Variants in CYSLTR1 observed in about 807,000 individuals in gnomAD.
CYSLTR1 encodes the protein G-protein coupled receptor HG55.
A neutral mutation model predicts 2.1 loss-of-function variants in CYSLTR1; 1 was observed. That is an observed-to-expected ratio of 0.48 (90% CI 0.17 to 2.28). The LOEUF (loss-of-function observed/expected upper bound fraction) is 2.28. Among genes scored for constraint, CYSLTR1 ranks in the 30% most tolerant of loss-of-function variants. CYSLTR1 has a pLI of 0.26. For synonymous variants in CYSLTR1, 110 were observed against 89.6 expected, an observed-to-expected ratio of 1.23 and a Z score of -1.28; for missense variants, 299 against 250.1, an observed-to-expected ratio of 1.20 and a Z score of -1.32.
rs1225520397 is a variant in CYSLTR1 at position 78,272,543 on chromosome X, G to A, written c.*190C>T. The A allele has an allele frequency of 1.4e-5, 5 of 351,858 alleles. No individual in the cohort carries two copies. Among genetic ancestry groups the A allele is most frequent in the African/African-American group, 5.4e-5 (2 of 37,215 alleles). The allele number at this position is 351,858 out of a possible 1,213,427, so 29.0% of individuals were successfully genotyped here. On this transcript the variant is annotated 3_prime_UTR_variant, in exon 3 of 3. Transcript: ENST00000373304. ...ATAATTCAGTTCATAGTTGTGGACCGAATTTTTAGCACTTAAAATATCTAT... is the reference window on the plus strand; with the variant it reads ...ATAATTCAGTTCATAGTTGTGGACCAAATTTTTAGCACTTAAAATATCTAT...
At position 78,273,386 on chromosome X, in the gene CYSLTR1, G is replaced by A. The variant is rs773734601; in HGVS notation, c.361C>T (p.Arg121Trp). The change falls in exon 3 of 3, where the codon CGG becomes TGG. Residue 121 changes from arginine (R) to tryptophan (W), a missense_variant. Transcript: ENST00000373304. Reference protein sequence around the residue: ...IFFMTAMSFFRCIAIVFPVQN... With the variant: ...IFFMTAMSFFWCIAIVFPVQN... ...ACTGGAAAAACAATTGCAATGCACC[G>A]GAAAAAGCTCATGGCTGTCATAAAG... is the stretch of plus-strand genomic sequence containing the variant. 30 of 1,209,248 alleles carry A rather than the reference G, an allele frequency of 2.5e-5. No individual in the cohort carries two copies. The highest frequency in any genetic ancestry group is 5.3e-5 in the South Asian group (3 of 56,789).
At chrX:78,304,221 G>A (rs1244031954) in intron 1 of CYSLTR1, among the ~76,000 whole-genome samples, 1 of 112,065 alleles carries the variant, frequency 8.9e-6, no homozygotes, top group Non-Finnish European at 1.9e-5. Context: ...AAAGCCCACA[G>A]GTCTTTCTTC....
Position 78,273,581 on chromosome X carries a change from A to G in CYSLTR1, c.166T>C (p.Ser56Pro), listed in dbSNP as rs1219866476. 8.3e-7 allele frequency: 1 copy of G among 1,211,600 alleles called. No individual in the cohort carries two copies. The highest frequency in any genetic ancestry group is 1.1e-6 in the Non-Finnish European group (1 of 895,474). Reference sequence around the variant, plus strand: ...TTAATCATGTATACTTGGAAGGCTGACTTCTTGTGATAGGTTTTTATGAGG... The same window carrying G: ...TTAATCATGTATACTTGGAAGGCTGGCTTCTTGTGATAGGTTTTTATGAGG... ...YVLIKTYHKK[S>P]AFQVYMINLA... Residue 56 changes from serine (S) to proline (P), a missense_variant, in exon 3 of 3, where the codon TCA (serine) becomes CCA (proline). Ser to Pro is a moderately conservative substitution (Grantham distance 74). Transcript: ENST00000373304.
intron 1 of CYSLTR1, among the ~76,000 whole-genome samples, chrX:78,325,346 T>A (rs770003482): frequency 7.3e-4 from 82 of 111,888 alleles, no homozygotes; most frequent in Non-Finnish European, 1.2e-3. Context: ...TGTCTCCCCA[T>A]GCAGTCAGTT....
chrX:78,297,261 T>A (rs1007347478), intron 1 of CYSLTR1, among the ~76,000 whole-genome samples: 1 of 112,107 alleles, frequency 8.9e-6, no homozygotes, highest in Non-Finnish European at 1.9e-5. Flanking sequence ...ATGAATGATC[T>A]TTGTAATGTA....
At chrX:78,286,196 G>T (rs1240457189) in intron 1 of CYSLTR1, among the ~76,000 whole-genome samples, 2 of 111,279 alleles carry the variant, frequency 1.8e-5, no homozygotes, top group Non-Finnish European at 3.8e-5. Flanking sequence ...TGTAATCCCA[G>T]TGCTTCGGGA....
intron 1 of CYSLTR1, among the ~76,000 whole-genome samples, chrX:78,293,672 C>T (rs943267181): frequency 9.9e-5 from 11 of 111,575 alleles, no homozygotes; most frequent in African/African-American, 2.9e-4. Context: ...AGGCTTTATT[C>T]ATTTCTTTTT....
intron 1 of CYSLTR1, among the ~76,000 whole-genome samples, chrX:78,301,806 ATGC>A (rs1922831246): frequency 1.8e-5 from 2 of 111,714 alleles, no homozygotes; most frequent in Admixed American, 1.9e-4. Context: ...GTCTGTTTTC[ATGC>A]TGCTGATAAA....
intron 1 of CYSLTR1, chrX:78,320,637 A>G (rs1471034560): frequency 9.0e-6 from 1 of 111,659 alleles, no homozygotes; most frequent in Non-Finnish European, 1.9e-5. Context: ...GTTGTTTCCA[A>G]TTCTGTGAAG....
chrX:78,280,455 T>G (rs1352683880), intron 2 of CYSLTR1, among the ~76,000 whole-genome samples: 1 of 108,969 alleles, frequency 9.2e-6, no homozygotes, highest in Non-Finnish European at 1.9e-5. Flanking sequence ...GTATACACTG[T>G]GAAATCATTT....
At chrX:78,282,040 G>C (rs1296271495) in intron 2 of CYSLTR1, among the ~76,000 whole-genome samples, 1 of 111,917 alleles carries the variant, frequency 8.9e-6, no homozygotes, top group African/African-American at 3.2e-5. Flanking sequence ...TGTATAGTTA[G>C]AAGAAACAAC....
intron 2 of CYSLTR1, among the ~76,000 whole-genome samples, chrX:78,280,367 C>T (rs1921786463): frequency 9.0e-6 from 1 of 110,770 alleles, no homozygotes; most frequent in Non-Finnish European, 1.9e-5. Context: ...GGTAATAGCC[C>T]TTTTCGGCTT....
chrX:78,281,394 G>A (rs897195844), intron 2 of CYSLTR1, among the ~76,000 whole-genome samples: 1 of 110,146 alleles, frequency 9.1e-6, no homozygotes, highest in Non-Finnish European at 1.9e-5. Context: ...AGCCTCCCGA[G>A]TAACGGATTA....
chrX:78,291,351 T>C (rs764144126), intron 1 of CYSLTR1, among the ~76,000 whole-genome samples: 7 of 111,975 alleles, frequency 6.3e-5, no homozygotes, highest in Non-Finnish European at 1.1e-4. Context: ...CTGCTGGATT[T>C]AGTTTGCCAG....
chrX:78,317,868 C>T (rs147862457), intron 1 of CYSLTR1, among the ~76,000 whole-genome samples: 2 of 111,692 alleles, frequency 1.8e-5, no homozygotes, highest in African/African-American at 3.3e-5. Flanking sequence ...CTACACATTG[C>T]GTACAGTGTA....
intron 2 of CYSLTR1, among the ~76,000 whole-genome samples, chrX:78,281,970 C>T (rs1338166837): frequency 1.8e-5 from 2 of 112,268 alleles, no homozygotes; most frequent in Non-Finnish European, 3.8e-5. Flanking sequence ...TTAAGGCTCT[C>T]TACAGTCTGG....
chrX:78,302,901 C>A lies in CYSLTR1; in HGVS notation c.-114-19361G>T, dbSNP rs191348070. On this transcript the variant is annotated intron_variant, in intron 1 of 2. Coordinates refer to ENST00000373304, the MANE Select transcript of CYSLTR1 (RefSeq NM_006639.4). The stretch of plus-strand genomic sequence containing the variant: ...GGGGTTAGGGGAGGAATGATGCCAG[C>A]ATTCTCTTAGCCACCCCAGCTGTTG... Among the ~76,000 whole-genome samples, 194 of 111,302 alleles carry A rather than the reference C, an allele frequency of 1.7e-3. 1 individual carries two copies. Among genetic ancestry groups the A allele is most frequent in the African/African-American group, 5.5e-3 (170 of 30,654 alleles).
intron 1 of CYSLTR1, among the ~76,000 whole-genome samples, chrX:78,298,690 C>A (rs1279595823): frequency 1.8e-5 from 2 of 111,345 alleles, no homozygotes; most frequent in African/African-American, 6.5e-5. Flanking sequence ...AGTATAGTGA[C>A]TCCTGCTCTT....
At chrX:78,312,251 T>C (rs1179108466) in intron 1 of CYSLTR1, among the ~76,000 whole-genome samples, 1 of 111,403 alleles carries the variant, frequency 9.0e-6, no homozygotes. Context: ...ATTCAACAAA[T>C]GGTGCTGGGA....
Sources: allele counts gnomAD v4.1 joint callset (sites outside exome capture counted in the v4.1 genomes callset), GRCh38; gene constraint gnomAD v4.1.1; transcripts MANE v1.5; gene names NCBI Gene and HGNC (gene_info 2026-07-23, HGNC 2026-07-21).